The following EDA variants were observed in gnomAD, a reference collection of about 807,000 sequenced individuals.
EDA encodes the protein ectodysplasin A, also known as ectodysplasin-A.
Under a neutral mutation model 23.6 loss-of-function variants are expected in EDA, and 2 were observed. The observed-to-expected ratio is 0.08, with a 90% CI of 0.03 to 0.27. The LOEUF is 0.27. Among genes scored for constraint, EDA ranks in the 10% least tolerant of loss-of-function variants. EDA has a pLI of 1.00. For missense variants in EDA, 229 were observed against 324.2 expected (o/e 0.71, Z 2.26); for synonymous variants, 131 against 132.0 (o/e 0.99, Z 0.05).
chrX:70,011,332 C>CT lies in EDA; in HGVS notation c.503-11871dup, dbSNP rs749449651. On this transcript the variant is annotated intron_variant, in intron 2 of 7. Transcript: ENST00000374552. The stretch of plus-strand genomic sequence containing the variant: ...CACAGAAAGCATTTTTGCATTTTCG[C>CT]TTTTTTTTTTTTTTTGGAGACAGGG... Among the ~76,000 whole-genome samples, 205 of 96,627 alleles carry CT rather than the reference C, an allele frequency of 2.1e-3. 1 individual carries two copies. The highest frequency in any genetic ancestry group is 6.2e-3 in the Admixed American group (55 of 8,847). The allele number at this position is 96,627 out of a possible 115,157, so 83.9% of individuals were successfully genotyped here. A position where few individuals can be genotyped will look rare whatever the true frequency, so the allele number is the denominator to read the frequency against.
chrX:69,671,378 A>C (rs1933891792), intron 1 of EDA, among the ~76,000 whole-genome samples: 1 of 111,349 alleles, frequency 9.0e-6, no homozygotes, highest in East Asian at 2.8e-4. Flanking sequence ...AGGCAGCCAC[A>C]GTGGTACTTA....
chrX:69,884,575 T>C (rs2017800518), intron 1 of EDA, among the ~76,000 whole-genome samples: 2 of 112,686 alleles, frequency 1.8e-5, no homozygotes, highest in Admixed American at 1.9e-4. Context: ...ATCAGAATCA[T>C]ATAAACTCTG....
At chrX:69,886,295 T>C (rs962765980) in intron 1 of EDA, among the ~76,000 whole-genome samples, 3 of 111,766 alleles carry the variant, frequency 2.7e-5, no homozygotes, top group Admixed American at 9.5e-5. Flanking sequence ...ATCAGTGACC[T>C]TGCAGGCGGA....
chrX:69,935,858 C>T (rs2018666441), intron 1 of EDA, among the ~76,000 whole-genome samples: 1 of 109,394 alleles, frequency 9.1e-6, no homozygotes, highest in South Asian at 3.9e-4. Context: ...ACAAGCATTA[C>T]ACTCCTCAGG....
rs767355586 is a variant in EDA, at chrX:69,921,632, A to G, written c.397-35395A>G. Among the ~76,000 whole-genome samples the G allele has an allele frequency of 2.7e-5, 3 of 110,889 alleles. No individual in the cohort carries two copies. The South Asian group carries it at 1.2e-3, about 43-fold the overall frequency. On this transcript the variant is annotated intron_variant, in intron 1 of 7. Coordinates refer to ENST00000374552, the MANE Select transcript of EDA (RefSeq NM_001399.5). ...ACTTTATCAAATATAGTAGATGCTTATCTATGGTTCCTTTTGTCTTTAGTC... is the reference window on the plus strand; with the variant it reads ...ACTTTATCAAATATAGTAGATGCTTGTCTATGGTTCCTTTTGTCTTTAGTC...
intron 2 of EDA, among the ~76,000 whole-genome samples, chrX:69,976,379 T>C (rs1338185470): frequency 9.0e-6 from 1 of 111,715 alleles, no homozygotes; most frequent in Non-Finnish European, 1.9e-5. Context: ...AAGTAGTGGT[T>C]CCCACCTCTG....
At chrX:69,655,212 A>G (rs901442184) in intron 1 of EDA, among the ~76,000 whole-genome samples, 6 of 111,397 alleles carry the variant, frequency 5.4e-5, no homozygotes, top group Middle Eastern at 4.6e-3. Context: ...CCTGGCCAAC[A>G]TGGAGAAACC....
intron 2 of EDA, among the ~76,000 whole-genome samples, chrX:69,969,328 A>G (rs2019215871): frequency 8.9e-6 from 1 of 112,572 alleles, no homozygotes; most frequent in Non-Finnish European, 1.9e-5. Context: ...GAAATGGAAA[A>G]GAATGTGTTT....
At chrX:69,717,047 A>T (rs567545397) in intron 1 of EDA, among the ~76,000 whole-genome samples, 1 of 110,905 alleles carries the variant, frequency 9.0e-6, no homozygotes, top group South Asian at 3.8e-4. Context: ...TACTATTTGG[A>T]TGCCCTTTAT....
chrX:69,999,993 A>G (rs1312142109), intron 2 of EDA, among the ~76,000 whole-genome samples: 1 of 111,739 alleles, frequency 8.9e-6, no homozygotes, highest in Non-Finnish European at 1.9e-5. Flanking sequence ...AAATCATTTG[A>G]TCACCTCAGA....
chrX:70,031,234 GATTA>G (rs367739569), intron 6 of EDA, among the ~76,000 whole-genome samples: 2 of 112,366 alleles, frequency 1.8e-5, no homozygotes, highest in Non-Finnish European at 3.8e-5. Flanking sequence ...AGTTCAGAGA[GATTA>G]ATTAAGTTTC....
At chrX:69,862,571 A>C (rs887495569) in intron 1 of EDA, among the ~76,000 whole-genome samples, 1 of 110,994 alleles carries the variant, frequency 9.0e-6, no homozygotes, top group African/African-American at 3.3e-5. Flanking sequence ...CAGCCTCCCC[A>C]GTAGCTAGGA....
chrX:69,926,512 G>A (rs765597361), intron 1 of EDA, among the ~76,000 whole-genome samples: 1 of 111,919 alleles, frequency 8.9e-6, no homozygotes, highest in African/African-American at 3.2e-5. Context: ...TTGCACTGTG[G>A]TCTGAGAGAC....
intron 1 of EDA, among the ~76,000 whole-genome samples, chrX:69,837,452 A>T (rs2147554465): frequency 8.9e-6 from 1 of 112,578 alleles, no homozygotes; most frequent in South Asian, 3.7e-4. Flanking sequence ...AGAGACTCAT[A>T]AACCAGTGTT....
chrX:69,660,981 A>G (rs1411226409), intron 1 of EDA, among the ~76,000 whole-genome samples: 2 of 110,571 alleles, frequency 1.8e-5, no homozygotes, highest in Non-Finnish European at 1.9e-5. Context: ...AAGTGTTCCT[A>G]TTTTTCCACA....
chrX:69,987,217 A>G (rs2019507533), intron 2 of EDA, among the ~76,000 whole-genome samples: 1 of 100,790 alleles, frequency 9.9e-6, no homozygotes, highest in African/African-American at 3.8e-5. Flanking sequence ...TGGCACATGT[A>G]TACATATGTA....
At position 69,616,279 on chromosome X, in the gene EDA, G is replaced by A; in HGVS notation, c.-30G>A. The stretch of plus-strand genomic sequence containing the variant: ...CTGAGGCAGACGCAGCGGCTCCCGG[G>A]CCTCAAGAGAGTGGGTGTCTCCGGA... On this transcript the variant is annotated 5_prime_UTR_variant, in exon 1 of 8. Transcript: ENST00000374552. 4 of 1,165,594 alleles carry A rather than the reference G, an allele frequency of 3.4e-6. No homozygotes were observed. Among genetic ancestry groups the A allele is most frequent in the Non-Finnish European group, 4.6e-6 (4 of 877,840 alleles).
intron 1 of EDA, among the ~76,000 whole-genome samples, chrX:69,848,496 T>C (rs1368250431): frequency 9.0e-6 from 1 of 111,527 alleles, no homozygotes; most frequent in Non-Finnish European, 1.9e-5. Flanking sequence ...ACTACCATTT[T>C]TTCTTTATCT....
At chrX:69,968,693 A>G (rs1402862602) in intron 2 of EDA, among the ~76,000 whole-genome samples, 1 of 112,310 alleles carries the variant, frequency 8.9e-6, no homozygotes, top group Non-Finnish European at 1.9e-5. Context: ...TAAGCCATGT[A>G]TAATGGTTCT....
Sources: allele counts gnomAD v4.1 joint callset (sites outside exome capture counted in the v4.1 genomes callset), GRCh38; gene constraint gnomAD v4.1.1; transcripts MANE v1.5; gene names NCBI Gene and HGNC (gene_info 2026-07-23, HGNC 2026-07-21).